WDR72: variants seen among roughly 807,000 people sequenced by gnomAD.
The protein encoded by WDR72 is WD repeat domain 72.
Under a neutral mutation model 124.2 loss-of-function variants are expected in WDR72, and 120 were observed. The observed-to-expected ratio is 0.97, with a 90% CI of 0.83 to 1.12. WDR72 has a LOEUF of 1.12. Among genes scored for constraint, WDR72 ranks in the 50% most tolerant of loss-of-function variants. The pLI is 0.00. For synonymous variants in WDR72, 452 were observed against 441.7 expected (o/e 1.02, Z -0.29); for missense variants, 1,387 against 1,278.8 (o/e 1.08, Z -1.29).
chr15:53,687,766 G>C (rs1336677314), intron 13 of WDR72, among the ~76,000 whole-genome samples: 1 of 148,110 alleles, frequency 6.8e-6, no homozygotes, highest in Non-Finnish European at 1.5e-5. Flanking sequence ...CCAAAAAAGA[G>C]AATTTTAGAC....
intron 13 of WDR72, among the ~76,000 whole-genome samples, chr15:53,691,332 T>G (rs1402400182): frequency 6.6e-6 from 1 of 152,210 alleles, no homozygotes; most frequent in Non-Finnish European, 1.5e-5. Context: ...ATTACAGGCA[T>G]GAGCCACCTT....
At chr15:53,702,785 A>G (rs2017224288) in intron 11 of WDR72, among the ~76,000 whole-genome samples, 1 of 152,204 alleles carries the variant, frequency 6.6e-6, no homozygotes, top group South Asian at 2.1e-4. Context: ...ATTCTTAAGG[A>G]CATTAGTAAG....
chr15:53,541,295 T>C lies in WDR72; in HGVS notation c.3149-17973A>G, dbSNP rs1244201185. On this transcript the variant is annotated intron_variant, in intron 18 of 19. Transcript: ENST00000360509. The stretch of plus-strand genomic sequence containing the variant: ...TTCTCCCAGTACGCAGCTGGAGATC[T>C]GAGAACGGGCAGACTGCCTCCTCAA... 7.9e-5 allele frequency among the ~76,000 whole-genome samples: 12 copies of C among 152,310 alleles called. No individual in the cohort carries two copies. In the East Asian group the frequency reaches 2.3e-3, roughly 29 times the overall value.
chr15:53,724,165 G>T (rs1166879898), intron 2 of WDR72, among the ~76,000 whole-genome samples: 1 of 152,124 alleles, frequency 6.6e-6, no homozygotes, highest in African/African-American at 2.4e-5. Context: ...AGGGAAGAAT[G>T]AAGTAATGTT....
At position 53,722,879 on chromosome 15, in the gene WDR72, A is replaced by C. The variant is rs1363840873; in HGVS notation, c.183T>G (p.His61Gln). The change falls in exon 3 of 20, where the codon CAT becomes CAG. Residue 61 changes from histidine to glutamine, a missense_variant. Physicochemically the swap from His to Gln is conservative, Grantham distance 24. Coordinates refer to ENST00000360509, the MANE Select transcript of WDR72 (RefSeq NM_182758.4). ...KISAKELLFGHSASVTCLARA... is the reference protein window; with the variant it reads ...KISAKELLFGQSASVTCLARA... ...TTGCCAAACATGTTACCGAAGCTGA[A>C]TGACCAAATAGGAGTTCTTTCGCTG... is the stretch of plus-strand genomic sequence containing the variant. 1 of 1,614,164 alleles carries C rather than the reference A, an allele frequency of 6.2e-7. No homozygotes were observed. Among genetic ancestry groups the C allele is most frequent in the Non-Finnish European group, 8.5e-7 (1 of 1,180,010 alleles).
intron 17 of WDR72, among the ~76,000 whole-genome samples, chr15:53,598,161 T>C (rs142775387): frequency 6.6e-6 from 1 of 152,216 alleles, no homozygotes; most frequent in Non-Finnish European, 1.5e-5. Context: ...ACTGCTGATA[T>C]AGACGAACTA....
intron 16 of WDR72, among the ~76,000 whole-genome samples, chr15:53,611,296 A>C (rs1400124501): frequency 6.6e-6 from 1 of 152,084 alleles, no homozygotes; most frequent in African/African-American, 2.4e-5. Context: ...TGAATTTCAA[A>C]TGCTATAAGT....
rs748169750 is a variant in WDR72, at chr15:53,609,590, T to C, written c.2875A>G (p.Lys959Glu). The C allele has an allele frequency of 5.0e-6, 8 of 1,612,632 alleles. No homozygotes were observed. In the East Asian group the frequency reaches 8.9e-5, roughly 18 times the overall value. Residue 959 changes from lysine to glutamate, a missense_variant and splice_region_variant, in exon 17 of 20, where the codon AAG (lysine) becomes GAG (glutamate). Transcript: ENST00000360509. Reference protein sequence around the residue: ...SSFYSCLRNGKNESHVPEADL... With the variant: ...SSFYSCLRNGENESHVPEADL... ...GCCTCAGGTACATGGGATTCATTCT[T>C]ACCTAGAAATATACAGAACACACTT...
rs1891422111 is a variant in WDR72 at position 53,515,693 on chromosome 15, G to C, written c.*2006C>G. 6.6e-6 allele frequency: 1 copy of C among 152,148 alleles called. No homozygotes were observed. Among genetic ancestry groups the C allele is most frequent in the Admixed American group, 6.6e-5 (1 of 15,266 alleles). The allele number at this position is 152,148 out of a possible 1,614,324, so 9.4% of individuals were successfully genotyped here. A position where few individuals can be genotyped will look rare whatever the true frequency, so the allele number is the denominator to read the frequency against. ...ATTTCCACTTAGTAATGTCAGGGTTGTGCCAGTTCTAATTTCCCATAGCTA... is the reference window on the plus strand; with the variant it reads ...ATTTCCACTTAGTAATGTCAGGGTTCTGCCAGTTCTAATTTCCCATAGCTA... On this transcript the variant is annotated 3_prime_UTR_variant, in exon 20 of 20. Transcript: ENST00000360509.
chr15:53,697,414 T>C (rs1437238198), intron 13 of WDR72, among the ~76,000 whole-genome samples: 1 of 152,202 alleles, frequency 6.6e-6, no homozygotes, highest in Admixed American at 6.5e-5. Flanking sequence ...CCCCTCTCTA[T>C]GTGAGTCCTC....
At chr15:53,624,984 T>C (rs1037984079) in intron 14 of WDR72, among the ~76,000 whole-genome samples, 1 of 152,230 alleles carries the variant, frequency 6.6e-6, no homozygotes, top group Non-Finnish European at 1.5e-5. Context: ...AGGCTGTAGT[T>C]AATATTAACT....
rs1017554591 is a variant in WDR72, at chr15:53,613,586, T to C, written c.2872+80A>G. The C allele has an allele frequency of 8.7e-6, 8 of 918,188 alleles. No individual in the cohort carries two copies. In the Admixed American group the frequency reaches 1.4e-4, roughly 16 times the overall value. 56.9% of individuals were successfully genotyped at this position (918,188 alleles called of 1,614,324 possible). ...TATATGTTATTTATTTTGACACTGC[T>C]AACCAGTTATAGAAAGACTAGTTAT... is the stretch of plus-strand genomic sequence containing the variant. On this transcript the variant is annotated intron_variant, in intron 16 of 19. Transcript: ENST00000360509.
chr15:53,690,437 C>T (rs1159219972), intron 13 of WDR72, among the ~76,000 whole-genome samples: 1 of 152,142 alleles, frequency 6.6e-6, no homozygotes, highest in Admixed American at 6.6e-5. Flanking sequence ...CCCCATTCTC[C>T]ACCCTCCCAC....
intron 7 of WDR72, among the ~76,000 whole-genome samples, chr15:53,711,808 A>T (rs2017547584): frequency 6.6e-6 from 1 of 152,216 alleles, no homozygotes; most frequent in Non-Finnish European, 1.5e-5. Context: ...TATTATGCAC[A>T]TAAAAAATAT....
intron 1 of WDR72, among the ~76,000 whole-genome samples, chr15:53,747,937 G>A (rs1296323028): frequency 6.6e-6 from 1 of 151,312 alleles, no homozygotes; most frequent in African/African-American, 2.4e-5. Context: ...AAGTGGATAT[G>A]TATTTAGCTT....
intron 18 of WDR72, among the ~76,000 whole-genome samples, chr15:53,572,410 T>G (rs28469752): frequency 9.0e-5 from 7 of 78,012 alleles, no homozygotes; most frequent in Admixed American, 8.6e-4. Context: ...CGGTGTGAGA[T>G]ATATATTTTT....
intron 13 of WDR72, among the ~76,000 whole-genome samples, chr15:53,672,673 G>T (rs1287423059): frequency 1.3e-5 from 2 of 152,108 alleles, no homozygotes; most frequent in Non-Finnish European, 2.9e-5. Context: ...CTATACATCT[G>T]CCCAAATGAT....
chr15:53,733,290 G>A, intron 1 of WDR72, 129 bp from the exon 2 acceptor site: 1 of 968,118 alleles, frequency 1.0e-6, no homozygotes, highest in Non-Finnish European at 1.6e-6. Context: ...ATGGAAAAGG[G>A]TGTTTCCCCG....
At chr15:53,569,220 A>T (rs979006520) in intron 18 of WDR72, among the ~76,000 whole-genome samples, 2 of 152,012 alleles carry the variant, frequency 1.3e-5, no homozygotes, top group Non-Finnish European at 2.9e-5. Context: ...TCTTGTCTAC[A>T]TCAAGTACTA....
Sources: gnomAD v4.1 joint callset for allele counts (sites outside exome capture counted in the v4.1 genomes callset) on GRCh38, gnomAD v4.1.1 for gene constraint, MANE v1.5 for transcripts, NCBI Gene and HGNC (gene_info 2026-07-23, HGNC 2026-07-21) for gene names.